FTCDNL1: variants seen among roughly 807,000 people sequenced by gnomAD.
The protein encoded by FTCDNL1 is formiminotransferase cyclodeaminase N-terminal like, also known as formiminotransferase N-terminal subdomain-containing protein.
A neutral mutation model predicts 5.9 loss-of-function variants in FTCDNL1; 11 were observed. The ratio of observed to expected loss-of-function variants is 1.87; its 90% CI spans 1.18 to 3.10. The LOEUF is 3.10. Among genes scored for constraint, FTCDNL1 ranks in the 30% most tolerant of loss-of-function variants. The pLI, the probability that FTCDNL1 is intolerant of heterozygous loss-of-function variation, is 0.00. For missense variants in FTCDNL1, 115 were observed against 65.5 expected, an observed-to-expected ratio of 1.76 and a Z score of -2.61; for synonymous variants, 58 against 24.8, an observed-to-expected ratio of 2.34 and a Z score of -3.99.
At chr2:199,723,623 C>T in the FTCDNL1 span, among the ~76,000 whole-genome samples, 1 of 152,098 alleles carries the variant, frequency 6.6e-6, no homozygotes, top group African/African-American at 2.4e-5. Context: ...AAGGCCTTTT[C>T]TGCATCTATT....
At chr2:199,791,927 T>C (rs1023657107) in intron 3 of FTCDNL1, among the ~76,000 whole-genome samples, 5 of 152,264 alleles carry the variant, frequency 3.3e-5, no homozygotes, top group Middle Eastern at 3.4e-3. Flanking sequence ...TCACCTTTTA[T>C]AAATTATTTA....
intron 3 of FTCDNL1, among the ~76,000 whole-genome samples, chr2:199,789,697 C>G (rs1169134014): frequency 6.6e-6 from 1 of 151,868 alleles, no homozygotes; most frequent in Admixed American, 6.6e-5. Context: ...TGAATCCATG[C>G]CCAGGAAGCC....
intron 3 of FTCDNL1, among the ~76,000 whole-genome samples, chr2:199,838,969 G>A (rs1702946260): frequency 6.6e-6 from 1 of 152,090 alleles, no homozygotes; most frequent in South Asian, 2.1e-4. Flanking sequence ...ATCCTCCTCT[G>A]GGGAACCTGA....
chr2:199,739,487 A>G, the FTCDNL1 span, among the ~76,000 whole-genome samples: 1 of 152,216 alleles, frequency 6.6e-6, no homozygotes, highest in African/African-American at 2.4e-5. Context: ...AATCCAAGTC[A>G]CCACACTGTG....
chr2:199,810,714 T>C lies in FTCDNL1; in HGVS notation c.*1991A>G, dbSNP rs1406063313. Among the ~76,000 whole-genome samples the C allele has an allele frequency of 6.6e-6, 1 of 152,238 alleles. No individual in the cohort carries two copies. The highest frequency in any genetic ancestry group is 2.4e-5 in the African/African-American group (1 of 41,464). ...TGGTATAAAAAGCTTACATTTGCAG[T>C]TTCCTCATTTTTGGGGAACCTTACA... is the stretch of plus-strand genomic sequence containing the variant. On this transcript the variant is annotated 3_prime_UTR_variant, in exon 5 of 5. Transcript: ENST00000420128.
chr2:199,771,485 A>T (rs1030220924), intron 3 of FTCDNL1, among the ~76,000 whole-genome samples: 6 of 152,360 alleles, frequency 3.9e-5, no homozygotes, highest in South Asian at 2.1e-4. Context: ...TTTGAACAAG[A>T]ATTCATGATA....
At chr2:199,824,857 G>T (rs760436941) in intron 3 of FTCDNL1, among the ~76,000 whole-genome samples, 1 of 152,158 alleles carries the variant, frequency 6.6e-6, no homozygotes, top group Non-Finnish European at 1.5e-5. Flanking sequence ...CATAATAGTG[G>T]CTGGGCATGA....
At chr2:199,705,020 A>G in the FTCDNL1 span, among the ~76,000 whole-genome samples, 1 of 152,182 alleles carries the variant, frequency 6.6e-6, no homozygotes, top group Non-Finnish European at 1.5e-5. Context: ...GCTCAGATAC[A>G]TGTTTGCCTG....
chr2:199,735,128 AAAAAAAAC>A, the FTCDNL1 span, among the ~76,000 whole-genome samples: 4 of 151,384 alleles, frequency 2.6e-5, no homozygotes, highest in African/African-American at 9.7e-5. Context: ...AAAAAAAAAA[AAAAAAAAC>A]CACATTATTT....
the FTCDNL1 span, among the ~76,000 whole-genome samples, chr2:199,739,878 C>A: frequency 6.6e-6 from 1 of 152,134 alleles, no homozygotes; most frequent in African/African-American, 2.4e-5. Context: ...ATTCAGGAGA[C>A]GTTGTGTGTA....
chr2:199,729,260 T>G, the FTCDNL1 span, among the ~76,000 whole-genome samples: 1 of 152,170 alleles, frequency 6.6e-6, no homozygotes, highest in Admixed American at 6.5e-5. Flanking sequence ...CATTGTAGCT[T>G]AAATAAAGAT....
At chr2:199,842,285 T>A (rs1046251845) in intron 3 of FTCDNL1, among the ~76,000 whole-genome samples, 7 of 151,722 alleles carry the variant, frequency 4.6e-5, no homozygotes, top group African/African-American at 1.7e-4. Context: ...TTAAAAAAAA[T>A]AAAACTTCAT....
chr2:199,676,946 C>T, the FTCDNL1 span, among the ~76,000 whole-genome samples: 1 of 152,144 alleles, frequency 6.6e-6, no homozygotes, highest in Non-Finnish European at 1.5e-5. Flanking sequence ...TCACAACATA[C>T]TTGACTTTGC....
At chr2:199,792,353 C>G (rs1236515636) in intron 3 of FTCDNL1, among the ~76,000 whole-genome samples, 2 of 152,068 alleles carry the variant, frequency 1.3e-5, no homozygotes, top group African/African-American at 4.8e-5. Context: ...TCTGCTATAC[C>G]CTTCCAAAGT....
chr2:199,736,279 A>T, the FTCDNL1 span, among the ~76,000 whole-genome samples: 1 of 152,332 alleles, frequency 6.6e-6, no homozygotes, highest in Non-Finnish European at 1.5e-5. Flanking sequence ...GACTCTTAAA[A>T]ACATGCCTCA....
intron 3 of FTCDNL1, among the ~76,000 whole-genome samples, chr2:199,825,812 T>C (rs969994397): frequency 6.6e-6 from 1 of 152,180 alleles, no homozygotes; most frequent in African/African-American, 2.4e-5. Context: ...TTACCAGGTC[T>C]GGAGTATTCA....
chr2:199,667,663 TA>T, the FTCDNL1 span, among the ~76,000 whole-genome samples: 3 of 152,024 alleles, frequency 2.0e-5, no homozygotes, highest in Non-Finnish European at 4.4e-5. Context: ...TAAAAATAAA[TA>T]AATAAATCAA....
At chr2:199,718,503 A>C in the FTCDNL1 span, among the ~76,000 whole-genome samples, 4 of 152,206 alleles carry the variant, frequency 2.6e-5, no homozygotes, top group Admixed American at 2.6e-4. Flanking sequence ...TAGTGATGCA[A>C]TTAACATAGA....
chr2:199,690,148 G>A, the FTCDNL1 span, among the ~76,000 whole-genome samples: 2 of 152,182 alleles, frequency 1.3e-5, no homozygotes, highest in Non-Finnish European at 2.9e-5. Flanking sequence ...ATAGAAAAGT[G>A]ATCAGAAGGA....
Sources: allele counts gnomAD v4.1 joint callset (sites outside exome capture counted in the v4.1 genomes callset), GRCh38; gene constraint gnomAD v4.1.1; transcripts MANE v1.5; gene names NCBI Gene and HGNC (gene_info 2026-07-23, HGNC 2026-07-21).